The following CNBD1 variants were observed in gnomAD, a reference collection of about 807,000 sequenced individuals.
CNBD1 encodes the protein cyclic nucleotide-binding domain-containing protein 1.
In CNBD1, 71 loss-of-function variants were observed where a neutral mutation model predicts 54.4. The observed-to-expected ratio is 1.30, with a 90% confidence interval of 1.08 to 1.59. The LOEUF is 1.59. Among genes scored for constraint, CNBD1 ranks in the 40% most tolerant of loss-of-function variants. The pLI is 0.00. For missense variants in CNBD1, 659 were observed against 518.0 expected, an observed-to-expected ratio of 1.27 and a Z score of -2.64; for synonymous variants, 182 against 170.7, an observed-to-expected ratio of 1.07 and a Z score of -0.51.
At chr8:86,969,342 G>T (rs1050849122) in intron 4 of CNBD1, among the ~76,000 whole-genome samples, 2 of 152,050 alleles carry the variant, frequency 1.3e-5, no homozygotes, top group Admixed American at 1.3e-4. Flanking sequence ...GATGAAATTT[G>T]TAAACTTTTC....
intron 8 of CNBD1, among the ~76,000 whole-genome samples, chr8:87,294,405 C>A (rs1808838319): frequency 6.6e-6 from 1 of 152,132 alleles, no homozygotes; most frequent in African/African-American, 2.4e-5. Flanking sequence ...TCAGTTTAAA[C>A]ACACATCAGA....
intron 5 of CNBD1, among the ~76,000 whole-genome samples, chr8:87,226,938 T>C (rs1247093231): frequency 6.6e-6 from 1 of 151,722 alleles, no homozygotes; most frequent in African/African-American, 2.4e-5. Flanking sequence ...ATTGGGTGCA[T>C]ATATATTTAG....
intron 2 of CNBD1, among the ~76,000 whole-genome samples, chr8:87,417,700 G>T (rs1807859587): frequency 6.6e-6 from 1 of 151,832 alleles, no homozygotes; most frequent in East Asian, 1.9e-4. Flanking sequence ...CACTAGCAAA[G>T]AACAGTCTAA....
intron 5 of CNBD1, among the ~76,000 whole-genome samples, chr8:87,229,030 C>T (rs1322170444): frequency 6.6e-6 from 1 of 152,202 alleles, no homozygotes; most frequent in Non-Finnish European, 1.5e-5. Flanking sequence ...GGTCCCTCAC[C>T]CCTTTCTTTG....
At chr8:87,070,035 C>T (rs1810728765) in intron 4 of CNBD1, among the ~76,000 whole-genome samples, 1 of 152,058 alleles carries the variant, frequency 6.6e-6, no homozygotes, top group South Asian at 2.1e-4. Flanking sequence ...TAATCCTCCA[C>T]TCTCATGTCA....
At chr8:87,301,815 A>G (rs906810376) in intron 8 of CNBD1, among the ~76,000 whole-genome samples, 3 of 152,142 alleles carry the variant, frequency 2.0e-5, no homozygotes, top group East Asian at 3.9e-4. Context: ...TATCACCACC[A>G]ATCCCACAGA....
At chr8:87,022,409 A>G (rs1809508476) in intron 4 of CNBD1, among the ~76,000 whole-genome samples, 1 of 152,172 alleles carries the variant, frequency 6.6e-6, no homozygotes, top group African/African-American at 2.4e-5. Flanking sequence ...CACATGAAAT[A>G]TTTAGCAGTC....
At chr8:87,124,744 G>A (rs1229519875) in intron 4 of CNBD1, among the ~76,000 whole-genome samples, 1 of 151,662 alleles carries the variant, frequency 6.6e-6, no homozygotes, top group East Asian at 1.9e-4. Flanking sequence ...TCAGAAATAA[G>A]ATAAGGATGC....
At chr8:87,031,311 T>A (rs1453721317) in intron 4 of CNBD1, among the ~76,000 whole-genome samples, 1 of 152,008 alleles carries the variant, frequency 6.6e-6, no homozygotes. Context: ...ATCATGGAAA[T>A]GTTGCACATA....
chr8:87,229,991 A>G (rs1814637581), intron 5 of CNBD1, among the ~76,000 whole-genome samples: 1 of 152,146 alleles, frequency 6.6e-6, no homozygotes, highest in Non-Finnish European at 1.5e-5. Context: ...GCCTCATGGT[A>G]CCACAGTCTG....
chr8:87,191,908 C>T (rs1297509891), intron 4 of CNBD1, among the ~76,000 whole-genome samples: 1 of 151,612 alleles, frequency 6.6e-6, no homozygotes, highest in Admixed American at 6.6e-5. Context: ...TCTCCTAGCG[C>T]ATATATGAAA....
chr8:87,323,749 C>T (rs377274640), intron 8 of CNBD1, among the ~76,000 whole-genome samples: 2 of 129,184 alleles, frequency 1.5e-5, no homozygotes, highest in African/African-American at 5.7e-5. Flanking sequence ...CATCTGCAAA[C>T]AGGGACAATT....
chr8:86,871,587 T>TCCATCTATG (rs1808444323), intron 1 of CNBD1, among the ~76,000 whole-genome samples: 2 of 152,248 alleles, frequency 1.3e-5, no homozygotes, highest in Admixed American at 1.3e-4. Flanking sequence ...ATCTCATTCT[T>TCCATCTATG]CCATCTATGT....
In CNBD1 at chr8:87,241,483, A is replaced by C. The variant is rs573042362; in HGVS notation, c.771+4371A>C. Among the ~76,000 whole-genome samples the C allele has an allele frequency of 2.4e-4, 36 of 152,106 alleles. 1 individual carries two copies. Among genetic ancestry groups the C allele is most frequent in the African/African-American group, 3.1e-4 (13 of 41,486 alleles). On this transcript the variant is annotated intron_variant, in intron 6 of 10. Coordinates refer to ENST00000518476, the MANE Select transcript of CNBD1 (RefSeq NM_173538.3). ...GAGACGGGGTTTCACCGTGTTAGCCAGGATCGTCTTGATCTCCTGACCTCG... is the reference window on the plus strand; with the variant it reads ...GAGACGGGGTTTCACCGTGTTAGCCCGGATCGTCTTGATCTCCTGACCTCG...
At chr8:86,889,039 G>A (rs1479418557) in intron 2 of CNBD1, among the ~76,000 whole-genome samples, 1 of 152,050 alleles carries the variant, frequency 6.6e-6, no homozygotes, top group Non-Finnish European at 1.5e-5. Context: ...TGGCTGTACT[G>A]CCTGACTCCC....
intron 6 of CNBD1, among the ~76,000 whole-genome samples, chr8:87,274,363 T>A (rs1808431890): frequency 6.7e-6 from 1 of 148,294 alleles, no homozygotes; most frequent in African/African-American, 2.6e-5. Flanking sequence ...TCCACAGTGG[T>A]TGAACTAGTT....
intron 5 of CNBD1, among the ~76,000 whole-genome samples, 175 bp downstream of exon 5, chr8:87,206,313 C>G (rs1813974971): frequency 6.6e-6 from 1 of 152,132 alleles, no homozygotes; most frequent in Non-Finnish European, 1.5e-5. Context: ...AATAACATCT[C>G]ACATTTTAGT....
At chr8:87,391,784 G>A (rs778676576) in intron 2 of CNBD1, among the ~76,000 whole-genome samples, 2 of 151,934 alleles carry the variant, frequency 1.3e-5, no homozygotes, top group Non-Finnish European at 2.9e-5. Flanking sequence ...TGGGTAAAGC[G>A]AACCCTTTTC....
chr8:86,891,172 T>C (rs1437418324), intron 2 of CNBD1, among the ~76,000 whole-genome samples: 1 of 152,048 alleles, frequency 6.6e-6, no homozygotes, highest in African/African-American at 2.4e-5. Context: ...CTTAGACCAA[T>C]GTCATGGAAC....
Sources: allele counts gnomAD v4.1 joint callset (sites outside exome capture counted in the v4.1 genomes callset), GRCh38; gene constraint gnomAD v4.1.1; transcripts MANE v1.5; gene names NCBI Gene and HGNC (gene_info 2026-07-23, HGNC 2026-07-21).